Variants in CSNK1G1 observed in about 807,000 individuals in gnomAD.
The protein encoded by CSNK1G1 is casein kinase 1 gamma 1.
CSNK1G1 carries 22 observed loss-of-function variants against 59.6 expected under a neutral mutation model. That is an observed-to-expected ratio of 0.37 (90% confidence interval 0.26 to 0.53). The LOEUF is 0.53. Ranked by LOEUF, CSNK1G1 falls within the 20% of genes least tolerant of loss-of-function variation. CSNK1G1 has a pLI of 0.89. For synonymous variants in CSNK1G1, 179 were observed against 177.1 expected (o/e 1.01, Z -0.08); for missense variants, 384 against 519.5 (o/e 0.74, Z 2.54).
chr15:64,181,331 G>A, intron 10 of CSNK1G1: 1 of 1,536,038 alleles, frequency 6.5e-7, no homozygotes, highest in Non-Finnish European at 8.7e-7. Flanking sequence ...CTGCCACCTG[G>A]TTTCATTTCC....
intron 2 of CSNK1G1, among the ~76,000 whole-genome samples, chr15:64,269,492 A>ATTTT (rs36065606): frequency 8.5e-6 from 1 of 117,244 alleles, no homozygotes; most frequent in African/African-American, 3.2e-5. Context: ...TCTGATGGCT[A>ATTTT]TTTTTTTTTT....
chr15:64,229,939 T>TTTTTTTTTTTTTTTA lies in CSNK1G1; in HGVS notation c.293-13227_293-13226insTAAAAAAAAAAAAAA, dbSNP rs768405168. Among the ~76,000 whole-genome samples, 6 of 121,544 alleles carry TTTTTTTTTTTTTTTA rather than the reference T, an allele frequency of 4.9e-5. No homozygotes were observed. The East Asian group carries it at 1.4e-3, about 28-fold the overall frequency. The allele number at this position is 121,544 out of a possible 152,430, so 79.7% of individuals were successfully genotyped here. On this transcript the variant is annotated intron_variant, in intron 4 of 11. Transcript: ENST00000303052. ...TTTTTTTTTTTTTTTTTTTTTTTTT[T>TTTTTTTTTTTTTTTA]AAGACAGAATCTCACTCTGTCGCCC...
At chr15:64,185,160 T>C (rs1303389044) in intron 10 of CSNK1G1, among the ~76,000 whole-genome samples, 3 of 152,258 alleles carry the variant, frequency 2.0e-5, no homozygotes, top group South Asian at 2.1e-4. Flanking sequence ...CCATTAAATA[T>C]GTTGGAACAG....
At chr15:64,297,129 C>T (rs1372844778) in intron 2 of CSNK1G1, among the ~76,000 whole-genome samples, 1 of 151,520 alleles carries the variant, frequency 6.6e-6, no homozygotes, top group Non-Finnish European at 1.5e-5. Context: ...CTTTAAAGGG[C>T]TTATATTCAA....
intron 4 of CSNK1G1, among the ~76,000 whole-genome samples, chr15:64,244,847 G>C (rs1242904409): frequency 6.6e-6 from 1 of 152,022 alleles, no homozygotes; most frequent in Non-Finnish European, 1.5e-5. Flanking sequence ...AACACAGCTG[G>C]AGGCATCACC....
chr15:64,190,475 C>T lies in CSNK1G1; in HGVS notation c.1108-10021G>A, dbSNP rs548135983. On this transcript the variant is annotated intron_variant, in intron 10 of 11. Transcript: ENST00000303052. Reference sequence around the variant, plus strand: ...TGTTGCCCAGGCTAAAGTGCAATGGCGCGATCTCCGCTCACCACAACCTCC... The same window carrying T: ...TGTTGCCCAGGCTAAAGTGCAATGGTGCGATCTCCGCTCACCACAACCTCC... Among the ~76,000 whole-genome samples, 3 of 152,248 alleles carry T rather than the reference C, an allele frequency of 2.0e-5. No individual in the cohort carries two copies. The East Asian group carries it at 5.8e-4, about 29-fold the overall frequency.
rs1236081893 is a variant in CSNK1G1, at chr15:64,214,782, G to A, written c.445-658C>T. ...GCCTCCCGGGTAGCTGGGATTACAT[G>A]CACATGCCACCATGCCTGGCTAATT... On this transcript the variant is annotated intron_variant, in intron 5 of 11. Transcript: ENST00000303052. The surrounding 1 kb of genome is among the most constrained non-coding windows in gnomAD (Gnocchi z 4.3). 6.6e-6 allele frequency among the ~76,000 whole-genome samples: 1 copy of A among 151,986 alleles called. No homozygotes were observed. Among genetic ancestry groups the A allele is most frequent in the East Asian group, 1.9e-4 (1 of 5,192 alleles).
intron 6 of CSNK1G1, among the ~76,000 whole-genome samples, chr15:64,211,502 C>T (rs1810505981): frequency 6.6e-6 from 1 of 151,866 alleles, no homozygotes; most frequent in Non-Finnish European, 1.5e-5. Context: ...CTCAAAAGTC[C>T]CGGCAGGAAT....
intron 1 of CSNK1G1, among the ~76,000 whole-genome samples, chr15:64,350,114 T>C (rs1898200255): frequency 6.6e-6 from 1 of 152,068 alleles, no homozygotes; most frequent in African/African-American, 2.4e-5. Flanking sequence ...AGACATCAAG[T>C]GAATAAAGAT....
At chr15:64,283,192 TA>T (rs942481814) in intron 2 of CSNK1G1, among the ~76,000 whole-genome samples, 6 of 151,176 alleles carry the variant, frequency 4.0e-5, no homozygotes, top group Admixed American at 2.0e-4. Flanking sequence ...AAGTGACCAT[TA>T]AAAAAAAATC....
At chr15:64,248,600 A>G (rs1194519928) in intron 4 of CSNK1G1, among the ~76,000 whole-genome samples, 1 of 152,216 alleles carries the variant, frequency 6.6e-6, no homozygotes, top group East Asian at 1.9e-4. Flanking sequence ...CAATAAAAAA[A>G]TAGTCAATGC....
At chr15:64,289,326 T>C (rs1894607966) in intron 2 of CSNK1G1, among the ~76,000 whole-genome samples, 1 of 152,190 alleles carries the variant, frequency 6.6e-6, no homozygotes, top group African/African-American at 2.4e-5. Flanking sequence ...ATTAATGCAA[T>C]GCAGACTGTG....
intron 2 of CSNK1G1, among the ~76,000 whole-genome samples, chr15:64,277,605 T>C (rs1893730498): frequency 7.2e-6 from 1 of 138,078 alleles, no homozygotes; most frequent in Non-Finnish European, 1.6e-5. Context: ...TTTAATAATA[T>C]ATTAATATTG....
At chr15:64,313,569 G>A (rs1296783861) in intron 1 of CSNK1G1, among the ~76,000 whole-genome samples, 1 of 152,076 alleles carries the variant, frequency 6.6e-6, no homozygotes, top group African/African-American at 2.4e-5. Flanking sequence ...ATGGACACAG[G>A]GAGGGGAACA....
At chr15:64,262,330 G>A (rs1234334674) in intron 2 of CSNK1G1, among the ~76,000 whole-genome samples, 1 of 152,218 alleles carries the variant, frequency 6.6e-6, no homozygotes, top group African/African-American at 2.4e-5. Flanking sequence ...GAAGAGCTTG[G>A]ATACGGAGGG....
intron 1 of CSNK1G1, among the ~76,000 whole-genome samples, chr15:64,314,249 C>T (rs1373553080): frequency 2.0e-5 from 3 of 152,000 alleles, no homozygotes; most frequent in Admixed American, 6.6e-5. Flanking sequence ...CCTGAGAAAC[C>T]GGGATTACAG....
intron 1 of CSNK1G1, among the ~76,000 whole-genome samples, chr15:64,317,660 C>T (rs558047869): frequency 3.9e-4 from 59 of 151,898 alleles, no homozygotes; most frequent in African/African-American, 1.3e-3. Context: ...CATCACCCAC[C>T]TAATTTTTAA....
chr15:64,317,744 C>T (rs985046760), intron 1 of CSNK1G1, among the ~76,000 whole-genome samples: 1 of 151,762 alleles, frequency 6.6e-6, no homozygotes, highest in African/African-American at 2.4e-5. Context: ...ACAATCCTTA[C>T]ACTTTAGTCT....
chr15:64,294,318 C>T (rs1204297929), intron 2 of CSNK1G1, among the ~76,000 whole-genome samples: 1 of 152,082 alleles, frequency 6.6e-6, no homozygotes, highest in African/African-American at 2.4e-5. Context: ...AGGTGATCCG[C>T]CCACCTCGGC....
Sources: allele counts gnomAD v4.1 joint callset (sites outside exome capture counted in the v4.1 genomes callset), GRCh38; gene constraint gnomAD v4.1.1; non-coding constraint Gnocchi (gnomAD v3.1); transcripts MANE v1.5; gene names NCBI Gene and HGNC (gene_info 2026-07-23, HGNC 2026-07-21).